The following ROBO2 variants were observed in gnomAD, a reference collection of about 807,000 sequenced individuals.
ROBO2 encodes roundabout homolog 2.
Under a neutral mutation model 160.8 loss-of-function variants are expected in ROBO2, and 53 were observed. That is an observed-to-expected ratio of 0.33 (90% CI 0.26 to 0.41). ROBO2 has a LOEUF of 0.41. Ranked by LOEUF, ROBO2 falls within the 10% of genes least tolerant of loss-of-function variation. The probability of loss-of-function intolerance (pLI) is 1.00; values close to 1 mark genes in which losing one functional copy is unlikely to be tolerated. For missense variants in ROBO2, 1,577 were observed against 1,722.4 expected (o/e 0.92, Z 1.49); for synonymous variants, 664 against 611.7 (o/e 1.09, Z -1.26).
intron 2 of ROBO2, among the ~76,000 whole-genome samples, chr3:77,386,661 G>A (rs2074142785): frequency 7.8e-6 from 1 of 128,518 alleles, no homozygotes; most frequent in Non-Finnish European, 1.6e-5. Flanking sequence ...GAAGTGCAAT[G>A]GTGTGATCTT....
intron 1 of ROBO2, among the ~76,000 whole-genome samples, chr3:77,070,385 A>G (rs570344773): frequency 4.0e-4 from 61 of 152,092 alleles, no homozygotes; most frequent in African/African-American, 1.4e-3. Flanking sequence ...CCATCTTCAC[A>G]TGGACTTTTC....
intron 2 of ROBO2, among the ~76,000 whole-genome samples, chr3:77,188,350 A>C (rs2081478656): frequency 1.3e-5 from 2 of 151,762 alleles, no homozygotes; most frequent in South Asian, 4.1e-4. Flanking sequence ...AGCTACCTTT[A>C]CCCTAGAGAG....
chr3:76,091,342 G>T (rs2126535), intron 2 of ROBO2, among the ~76,000 whole-genome samples: 1 of 152,132 alleles, frequency 6.6e-6, no homozygotes, highest in Non-Finnish European at 1.5e-5. Context: ...AATATATTCA[G>T]CATATATAAT....
At chr3:76,270,644 A>G (rs184555458) in intron 2 of ROBO2, among the ~76,000 whole-genome samples, 5 of 152,168 alleles carry the variant, frequency 3.3e-5, no homozygotes, top group Admixed American at 3.3e-4. Flanking sequence ...TACCTGATAC[A>G]AAAGCAATGT....
intron 2 of ROBO2, among the ~76,000 whole-genome samples, chr3:76,072,793 G>A (rs1433361829): frequency 6.6e-6 from 1 of 152,172 alleles, no homozygotes; most frequent in African/African-American, 2.4e-5. Flanking sequence ...CTCAAGCGAT[G>A]TTCACGAAAC....
intron 2 of ROBO2, among the ~76,000 whole-genome samples, chr3:76,613,922 A>G (rs971105568): frequency 6.6e-6 from 1 of 152,074 alleles, no homozygotes; most frequent in Non-Finnish European, 1.5e-5. Context: ...ATATAGGTTT[A>G]TTGGTTTATT....
At chr3:76,763,010 G>A (rs2061390240) in intron 2 of ROBO2, among the ~76,000 whole-genome samples, 1 of 151,542 alleles carries the variant, frequency 6.6e-6, no homozygotes, top group Non-Finnish European at 1.5e-5. Context: ...ATAAAATTCA[G>A]TTTAATTAAA....
At chr3:76,838,777 C>T (rs1195473607) in intron 2 of ROBO2, among the ~76,000 whole-genome samples, 1 of 148,620 alleles carries the variant, frequency 6.7e-6, no homozygotes, top group Non-Finnish European at 1.5e-5. Context: ...CTACTCTACC[C>T]TTGGTGAATA....
intron 2 of ROBO2, among the ~76,000 whole-genome samples, chr3:77,208,796 A>G (rs2083744189): frequency 6.6e-6 from 1 of 152,198 alleles, no homozygotes; most frequent in Non-Finnish European, 1.5e-5. Context: ...ATGGTTGGTC[A>G]TAGTAGGTAA....
chr3:77,398,069 T>A (rs1487856953), intron 2 of ROBO2, among the ~76,000 whole-genome samples: 1 of 152,194 alleles, frequency 6.6e-6, no homozygotes, highest in Non-Finnish European at 1.5e-5. Flanking sequence ...TTTTAGAATG[T>A]ATGTATTATA....
At chr3:77,631,046 T>TA (rs1177194257) in intron 23 of ROBO2, 6 of 151,412 alleles carry the variant, frequency 4.0e-5, no homozygotes, top group African/African-American at 1.5e-4. Flanking sequence ...GACTTGTGGT[T>TA]ATTAACCCAG....
At chr3:77,482,400 G>C (rs2084813527) in intron 4 of ROBO2, among the ~76,000 whole-genome samples, 1 of 152,056 alleles carries the variant, frequency 6.6e-6, no homozygotes, top group South Asian at 2.1e-4. Flanking sequence ...TAGAAGAGCT[G>C]TATTATGACT....
chr3:76,695,825 G>A (rs2092915417), intron 2 of ROBO2, among the ~76,000 whole-genome samples: 1 of 152,306 alleles, frequency 6.6e-6, no homozygotes, highest in Non-Finnish European at 1.5e-5. Flanking sequence ...AATCCAGGTA[G>A]TCTGGCTTCC....
intron 5 of ROBO2, among the ~76,000 whole-genome samples, chr3:77,509,684 C>G (rs1055727503): frequency 9.2e-5 from 14 of 152,020 alleles, no homozygotes; most frequent in Non-Finnish European, 2.1e-4. Context: ...CCATTGTGCA[C>G]ACTTGGCATT....
At chr3:76,392,731 T>C (rs894555460) in intron 2 of ROBO2, among the ~76,000 whole-genome samples, 3 of 152,146 alleles carry the variant, frequency 2.0e-5, no homozygotes, top group Non-Finnish European at 4.4e-5. Context: ...GTTAGAAATA[T>C]CAGAACATTT....
At chr3:77,504,291 A>G (rs1265900018) in intron 5 of ROBO2, among the ~76,000 whole-genome samples, 1 of 152,208 alleles carries the variant, frequency 6.6e-6, no homozygotes, top group African/African-American at 2.4e-5. Flanking sequence ...AAACCTTTAT[A>G]AAGATGATCT....
chr3:76,016,301 G>A (rs1301932904), intron 2 of ROBO2, among the ~76,000 whole-genome samples: 1 of 151,824 alleles, frequency 6.6e-6, no homozygotes, highest in Non-Finnish European at 1.5e-5. Context: ...AAAAAATTCT[G>A]GAGAAGTGTG....
intron 2 of ROBO2, among the ~76,000 whole-genome samples, chr3:76,075,074 G>A (rs915996704): frequency 7.9e-5 from 12 of 151,984 alleles, no homozygotes; most frequent in African/African-American, 1.5e-4. Flanking sequence ...GAGCTTGATC[G>A]TATTTATCCT....
chr3:76,434,363 C>T (rs1335846177), intron 2 of ROBO2: 30 of 1,497,092 alleles, frequency 2.0e-5, no homozygotes, highest in Middle Eastern at 4.2e-4. Context: ...GGAGAAGAAC[C>T]GAGGCAGCAA....
Sources: allele counts gnomAD v4.1 joint callset (sites outside exome capture counted in the v4.1 genomes callset), GRCh38; gene constraint gnomAD v4.1.1; transcripts MANE v1.5; gene names NCBI Gene and HGNC (gene_info 2026-07-23, HGNC 2026-07-21).